The following MARK2 variants were observed in gnomAD, a reference collection of about 807,000 sequenced individuals.
The protein encoded by MARK2 is microtubule affinity regulating kinase 2.
In MARK2, 16 loss-of-function variants were observed where a neutral mutation model predicts 89.8. The observed-to-expected ratio is 0.18, with a 90% CI of 0.12 to 0.27. MARK2 has a LOEUF of 0.27. MARK2 is among the 10% of genes least tolerant of loss of function. The probability of loss-of-function intolerance (pLI) is 1.00; values close to 1 mark genes in which losing one functional copy is unlikely to be tolerated. For synonymous variants in MARK2, 382 were observed against 399.5 expected (o/e 0.96, Z 0.52); for missense variants, 621 against 1,049.9 (o/e 0.59, Z 5.65).
intron 1 of MARK2, chr11:63,868,854 C>T (rs1163331823): frequency 4.4e-6 from 2 of 456,012 alleles, no homozygotes; most frequent in South Asian, 3.1e-5. Context: ...GGGAGAAAAG[C>T]CCAGGAGCAT....
At chr11:63,888,374 C>T (rs1872772) in intron 1 of MARK2, 110,080 of 218,126 alleles carry the variant, frequency 0.5, 30,005 homozygotes, top group East Asian at 0.89. Context: ...TCCCACCTGC[C>T]ACAGGTGAGC....
At chr11:63,843,009 A>T (rs972959528) in intron 1 of MARK2, among the ~76,000 whole-genome samples, 4 of 141,974 alleles carry the variant, frequency 2.8e-5, no homozygotes, top group South Asian at 2.2e-4. Context: ...GTAGGAGATT[A>T]AAAAAAAAAA....
At chr11:63,907,759 T>C (rs1941462908) in intron 17 of MARK2, among the ~76,000 whole-genome samples, 1 of 152,162 alleles carries the variant, frequency 6.6e-6, no homozygotes, top group African/African-American at 2.4e-5. Context: ...TGACAGGCCC[T>C]TGCGTAGCCA....
At position 63,904,098 on chromosome 11, in the gene MARK2, G is replaced by A. The variant is rs199756433; in HGVS notation, c.1627G>A (p.Ala543Thr). ...GTCGGCCTCCGTGCACCCCAACAAG[G>A]CCTCTGGGCTGCCCCCCACGGAGAG... ...SMSASVHPNK[A>T]SGLPPTESNC... The change falls in exon 15 of 19, where the codon GCC (alanine) becomes ACC (threonine). Residue 543 changes from alanine (A) to threonine (T), a missense_variant. Coordinates refer to ENST00000402010, the MANE Select transcript of MARK2 (RefSeq NM_001039469.3). The surrounding 1 kb of genome is among the most constrained non-coding windows in gnomAD (Gnocchi z 6.3). The A allele has an allele frequency of 1.2e-4, 190 of 1,602,968 alleles. No individual in the cohort carries two copies. Among genetic ancestry groups the A allele is most frequent in the Non-Finnish European group, 1.5e-4 (178 of 1,178,562 alleles).
chr11:63,842,364 A>G lies in MARK2; in HGVS notation c.54+2804A>G, dbSNP rs528200652. ...CCTGAGTAGCTGGGACTACAGGCAC[A>G]CACCGCCACGCCCGGCTAATTTTTT... On this transcript the variant is annotated intron_variant, in intron 1 of 18. Coordinates refer to ENST00000402010, the MANE Select transcript of MARK2 (RefSeq NM_001039469.3). Among the ~76,000 whole-genome samples the G allele has an allele frequency of 4.6e-5, 7 of 152,034 alleles. No individual in the cohort carries two copies. In the South Asian group the frequency reaches 1.2e-3, roughly 27 times the overall value.
At chr11:63,854,186 CTG>C (rs55689743) in intron 1 of MARK2, among the ~76,000 whole-genome samples, 1,722 of 141,628 alleles carry the variant, frequency 0.012, 45 homozygotes, top group African/African-American at 0.042. Context: ...ACTATTAATT[CTG>C]TGTGTGTGTG....
intron 1 of MARK2, among the ~76,000 whole-genome samples, chr11:63,863,174 A>C (rs1250875280): frequency 5.9e-5 from 9 of 151,922 alleles, no homozygotes; most frequent in Admixed American, 5.9e-4. Context: ...TCCTGTTTGC[A>C]TTTGCTCAGT....
At position 63,850,843 on chromosome 11, in the gene MARK2, T is replaced by G. The variant is rs192121984; in HGVS notation, c.54+11283T>G. On this transcript the variant is annotated intron_variant, in intron 1 of 18. Transcript: ENST00000402010. Reference sequence around the variant, plus strand: ...TCGTCTTTTCTTTCTTCCTTTCTTTTTGTTCTCATGAGTTCTCACTGTGTT... The same window carrying G: ...TCGTCTTTTCTTTCTTCCTTTCTTTGTGTTCTCATGAGTTCTCACTGTGTT... 3.9e-3 allele frequency among the ~76,000 whole-genome samples: 593 copies of G among 152,272 alleles called. 4 individuals carry two copies. The highest frequency in any genetic ancestry group is 6.8e-3 in the Non-Finnish European group (461 of 68,024).
chr11:63,857,871 CTCATTCTG>C (rs2016947170), intron 1 of MARK2, among the ~76,000 whole-genome samples: 1 of 151,748 alleles, frequency 6.6e-6, no homozygotes, highest in East Asian at 1.9e-4. Context: ...GAGACAAGTT[CTCATTCTG>C]TCACCCGGGT....
At chr11:63,882,048 G>T (rs1349025369) in intron 1 of MARK2, among the ~76,000 whole-genome samples, 1 of 152,160 alleles carries the variant, frequency 6.6e-6, no homozygotes, top group Non-Finnish European at 1.5e-5. Context: ...CGCTAAGACG[G>T]TGTCTGGATT....
Position 63,903,200 on chromosome 11 carries a change from A to G in MARK2, c.1514+42A>G, listed in dbSNP as rs755974056. On this transcript the variant is annotated intron_variant, in intron 14 of 18. Coordinates refer to ENST00000402010, the MANE Select transcript of MARK2 (RefSeq NM_001039469.3). This position sits in a 1 kb window ranked among gnomAD's most constrained non-coding sequence, Gnocchi z 5.1. ...CTGCCTGCCTCACTCCCTAGGAGCC[A>G]TGTCTCACAGGGTGATGTCTGTCAG... 2.1e-6 allele frequency: 3 copies of G among 1,451,442 alleles called. No homozygotes were observed. The highest frequency in any genetic ancestry group is 2.3e-5 in the South Asian group (2 of 87,802). The allele number at this position is 1,451,442 out of a possible 1,614,324, so 89.9% of individuals were successfully genotyped here.
At chr11:63,856,084 C>G (rs1236735996) in intron 1 of MARK2, among the ~76,000 whole-genome samples, 2 of 152,056 alleles carry the variant, frequency 1.3e-5, no homozygotes, top group Non-Finnish European at 2.9e-5. Flanking sequence ...AACATGGGGC[C>G]CTTGTCTTGA....
At chr11:63,845,468 A>G (rs1283062348) in intron 1 of MARK2, among the ~76,000 whole-genome samples, 1 of 152,132 alleles carries the variant, frequency 6.6e-6, no homozygotes, top group Non-Finnish European at 1.5e-5. Context: ...TTGTGCTTGT[A>G]GCTTGGATTC....
At chr11:63,866,225 A>G (rs191925021) in intron 1 of MARK2, among the ~76,000 whole-genome samples, 7 of 152,094 alleles carry the variant, frequency 4.6e-5, no homozygotes, top group African/African-American at 1.4e-4. Flanking sequence ...GGTGGTGTGC[A>G]TCTGTAATCC....
chr11:63,861,566 C>T (rs1937782133), intron 1 of MARK2, among the ~76,000 whole-genome samples: 1 of 152,190 alleles, frequency 6.6e-6, no homozygotes, highest in Admixed American at 6.5e-5. Context: ...GGAAACTCAG[C>T]CTTAAAGGGA....
Position 63,903,046 on chromosome 11 carries a change from C to G in MARK2, c.1417-15C>G, listed in dbSNP as rs753498014. The stretch of plus-strand genomic sequence containing the variant: ...TTGGCTTTCTGATAGAACGCTTGCC[C>G]TTTATTCCCCACAGAACAGCGTCCT... On this transcript the variant is annotated splice_polypyrimidine_tract_variant and intron_variant, in intron 13 of 18. Coordinates refer to ENST00000402010, the MANE Select transcript of MARK2 (RefSeq NM_001039469.3). This position sits in a 1 kb window ranked among gnomAD's most constrained non-coding sequence, Gnocchi z 5.1. 18 of 1,611,502 alleles carry G rather than the reference C, an allele frequency of 1.1e-5. No homozygotes were observed. Among genetic ancestry groups the G allele is most frequent in the Non-Finnish European group, 1.5e-5 (18 of 1,177,794 alleles).
rs1275438822 is a variant in MARK2, at chr11:63,904,109, G to GC, written c.1644dup (p.Thr549HisfsTer4). 1 of 1,598,666 alleles carries GC rather than the reference G, an allele frequency of 6.3e-7. No homozygotes were observed. The highest frequency in any genetic ancestry group is 8.5e-7 in the Non-Finnish European group (1 of 1,176,982). On this transcript the variant is annotated frameshift_variant, in exon 15 of 19. Coordinates refer to ENST00000402010, the MANE Select transcript of MARK2 (RefSeq NM_001039469.3). LOFTEE classifies it high-confidence loss of function. This position sits in a 1 kb window ranked among gnomAD's most constrained non-coding sequence, Gnocchi z 6.3. ...TGCACCCCAACAAGGCCTCTGGGCT[G>GC]CCCCCCACGGAGAGTAACTGTGAGG...
At chr11:63,856,309 TTTTTTTTTTTTG>T (rs1217107308) in intron 1 of MARK2, among the ~76,000 whole-genome samples, 2 of 77,882 alleles carry the variant, frequency 2.6e-5, no homozygotes. Context: ...GCCCTGTGGG[TTTTTTTTTTTTG>T]TTTTTTTTTT....
intron 1 of MARK2, among the ~76,000 whole-genome samples, chr11:63,865,468 T>C (rs1434681907): frequency 1.3e-5 from 2 of 152,252 alleles, no homozygotes; most frequent in Non-Finnish European, 2.9e-5. Context: ...AGAGTGGTTC[T>C]GCCCCTTCCC....
Sources: allele counts gnomAD v4.1 joint callset (sites outside exome capture counted in the v4.1 genomes callset), GRCh38; gene constraint gnomAD v4.1.1; non-coding constraint Gnocchi (gnomAD v3.1); transcripts MANE v1.5; gene names NCBI Gene and HGNC (gene_info 2026-07-23, HGNC 2026-07-21).